GRM8: variants seen among roughly 807,000 people sequenced by gnomAD.
GRM8 encodes glutamate metabotropic receptor 8, also known as metabotropic glutamate receptor 8.
In GRM8, 47 loss-of-function variants were observed where a neutral mutation model predicts 87.2. The ratio of observed to expected loss-of-function variants is 0.54; its 90% confidence interval spans 0.43 to 0.69. The LOEUF is 0.69. GRM8 is among the 30% of genes least tolerant of loss of function. The pLI, the probability that GRM8 is intolerant of heterozygous loss-of-function variation, is 0.00. For synonymous variants in GRM8, 396 were observed against 404.5 expected, an observed-to-expected ratio of 0.98 and a Z score of 0.25; for missense variants, 1,019 against 1,139.2, an observed-to-expected ratio of 0.89 and a Z score of 1.52.
chr7:127,180,618 A>T (rs775093299), intron 2 of GRM8, among the ~76,000 whole-genome samples: 33 of 152,164 alleles, frequency 2.2e-4, no homozygotes, highest in Non-Finnish European at 1.6e-4. Context: ...TAGCTAACCG[A>T]ATCCAACAAC....
intron 3 of GRM8, among the ~76,000 whole-genome samples, chr7:127,029,211 T>C (rs1005925909): frequency 1.1e-4 from 17 of 152,242 alleles, no homozygotes; most frequent in Non-Finnish European, 2.4e-4. Flanking sequence ...CAGTTTGTTA[T>C]GATTTCTCTT....
chr7:126,856,583 C>A (rs1215512332), intron 6 of GRM8, among the ~76,000 whole-genome samples: 5 of 152,156 alleles, frequency 3.3e-5, no homozygotes, highest in Non-Finnish European at 1.5e-5. Flanking sequence ...AATCAGACTA[C>A]TGAATAAATT....
At chr7:127,101,027 C>A (rs17644601) in intron 3 of GRM8, among the ~76,000 whole-genome samples, 1 of 152,076 alleles carries the variant, frequency 6.6e-6, no homozygotes, top group Admixed American at 6.5e-5. Flanking sequence ...GTACTGGTAC[C>A]TAAAGTTTAC....
intron 8 of GRM8, among the ~76,000 whole-genome samples, chr7:126,542,168 C>A (rs1816613157): frequency 6.6e-6 from 1 of 152,152 alleles, no homozygotes; most frequent in East Asian, 1.9e-4. Flanking sequence ...AAATAAATTT[C>A]TGTTATTTAA....
intron 9 of GRM8, among the ~76,000 whole-genome samples, chr7:126,469,808 A>G (rs1804951922): frequency 2.0e-5 from 3 of 152,142 alleles, no homozygotes; most frequent in Admixed American, 2.0e-4. Flanking sequence ...AATACAGTAA[A>G]TTGGTACTGG....
At chr7:126,578,612 A>G (rs549545473) in intron 8 of GRM8, among the ~76,000 whole-genome samples, 2 of 152,296 alleles carry the variant, frequency 1.3e-5, no homozygotes, top group African/African-American at 4.8e-5. Flanking sequence ...GAGCAGCAGC[A>G]GATGGCTGTC....
intron 2 of GRM8, among the ~76,000 whole-genome samples, chr7:127,183,462 A>C (rs1794582097): frequency 6.6e-6 from 1 of 151,974 alleles, no homozygotes; most frequent in East Asian, 1.9e-4. Flanking sequence ...ATCAAAGCGG[A>C]AGTCTCAAGA....
chr7:127,195,126 A>T (rs1795217169), intron 2 of GRM8, among the ~76,000 whole-genome samples: 1 of 152,278 alleles, frequency 6.6e-6, no homozygotes, highest in East Asian at 1.9e-4. Flanking sequence ...CACTCATTGT[A>T]TCTGATACAT....
intron 3 of GRM8, among the ~76,000 whole-genome samples, chr7:126,987,561 C>T (rs1586681308): frequency 6.6e-6 from 1 of 152,046 alleles, no homozygotes; most frequent in African/African-American, 2.4e-5. Flanking sequence ...CCCAGGTTCA[C>T]GCCATTCTCC....
chr7:126,969,068 A>G (rs1810151428), intron 3 of GRM8, among the ~76,000 whole-genome samples: 1 of 152,316 alleles, frequency 6.6e-6, no homozygotes, highest in South Asian at 2.1e-4. Context: ...AAAAATGTAC[A>G]CACATTAACT....
chr7:126,694,109 A>G (rs556786534), intron 7 of GRM8, among the ~76,000 whole-genome samples: 1 of 151,880 alleles, frequency 6.6e-6, no homozygotes, highest in Non-Finnish European at 1.5e-5. Context: ...AAAACAAACT[A>G]AACTATATAT....
chr7:126,958,882 A>C (rs1311875599), intron 3 of GRM8, among the ~76,000 whole-genome samples: 2 of 152,188 alleles, frequency 1.3e-5, no homozygotes, highest in African/African-American at 4.8e-5. Flanking sequence ...CACTCTACCC[A>C]GTTTATTTCA....
intron 6 of GRM8, among the ~76,000 whole-genome samples, chr7:126,827,124 T>C (rs575148735): frequency 2.0e-5 from 3 of 152,324 alleles, no homozygotes; most frequent in South Asian, 2.1e-4. Context: ...TGTAGCCTTG[T>C]AGTATAGTTT....
chr7:126,527,695 C>G (rs1242510191), intron 9 of GRM8, among the ~76,000 whole-genome samples: 1 of 152,198 alleles, frequency 6.6e-6, no homozygotes, highest in Non-Finnish European at 1.5e-5. Context: ...TAGAATTATT[C>G]ACATTCCAAA....
chr7:127,031,732 C>G (rs1375968253), intron 3 of GRM8, among the ~76,000 whole-genome samples: 3 of 152,134 alleles, frequency 2.0e-5, no homozygotes, highest in Admixed American at 2.0e-4. Flanking sequence ...TAAAAACTAT[C>G]CTAACATCAA....
chr7:126,688,495 C>T (rs1051449297), intron 7 of GRM8, among the ~76,000 whole-genome samples: 11 of 151,932 alleles, frequency 7.2e-5, no homozygotes, highest in Non-Finnish European at 1.5e-4. Context: ...GACATAGTTT[C>T]GCTTAGAATA....
At chr7:126,828,289 A>G (rs1296519544) in intron 6 of GRM8, among the ~76,000 whole-genome samples, 4 of 152,184 alleles carry the variant, frequency 2.6e-5, no homozygotes, top group Non-Finnish European at 5.9e-5. Flanking sequence ...AAAGAATGGT[A>G]CCAGTTCCTC....
chr7:127,034,549 C>T (rs570405842), intron 3 of GRM8, among the ~76,000 whole-genome samples: 1 of 152,310 alleles, frequency 6.6e-6, no homozygotes, highest in South Asian at 2.1e-4. Flanking sequence ...TTTCCCTCTT[C>T]ATATCCAGAC....
At chr7:126,567,004 G>A (rs910320741) in intron 8 of GRM8, among the ~76,000 whole-genome samples, 9 of 152,190 alleles carry the variant, frequency 5.9e-5, no homozygotes, top group Non-Finnish European at 1.0e-4. Context: ...AGTTTAGAAT[G>A]GTGGTTACCA....
Sources: allele counts gnomAD v4.1 joint callset (sites outside exome capture counted in the v4.1 genomes callset), GRCh38; gene constraint gnomAD v4.1.1; transcripts MANE v1.5; gene names NCBI Gene and HGNC (gene_info 2026-07-23, HGNC 2026-07-21).